LRCOL1: variants seen among roughly 807,000 people sequenced by gnomAD.
The protein encoded by LRCOL1 is leucine rich colipase like 1, also known as leucine-rich colipase-like protein 1.
Under a neutral mutation model 21.6 loss-of-function variants are expected in LRCOL1, and 21 were observed. The ratio of observed to expected loss-of-function variants is 0.97; its 90% confidence interval spans 0.69 to 1.40. LRCOL1 has a LOEUF of 1.40. LRCOL1 is among the 40% of genes most tolerant of loss of function. The probability of loss-of-function intolerance (pLI) is 0.00; values close to 1 mark genes in which losing one functional copy is unlikely to be tolerated. For missense variants in LRCOL1, 198 were observed against 202.3 expected, an observed-to-expected ratio of 0.98 and a Z score of 0.13; for synonymous variants, 98 against 90.1, an observed-to-expected ratio of 1.09 and a Z score of -0.49.
At chr12:132,608,622 A>C (rs1054824990) in intron 1 of LRCOL1, among the ~76,000 whole-genome samples, 1 of 152,228 alleles carries the variant, frequency 6.6e-6, no homozygotes, top group Non-Finnish European at 1.5e-5. Flanking sequence ...GCTGGAGTGC[A>C]GTGGCACAAT....
chr12:132,607,421 A>G (rs2041322628), intron 1 of LRCOL1, among the ~76,000 whole-genome samples: 1 of 152,256 alleles, frequency 6.6e-6, no homozygotes, highest in Admixed American at 6.5e-5. Context: ...ACCATGCACG[A>G]TAACAAGATA....
intron 1 of LRCOL1, among the ~76,000 whole-genome samples, chr12:132,608,471 C>T (rs2041339994): frequency 6.6e-6 from 1 of 152,260 alleles, no homozygotes; most frequent in South Asian, 2.1e-4. Context: ...TGACCCCAGA[C>T]AAATGAGTCA....
chr12:132,604,895 G>A (rs751788389), intron 2 of LRCOL1, 64 bp from the exon 3 acceptor site: 102 of 1,517,588 alleles, frequency 6.7e-5, no homozygotes, highest in Non-Finnish European at 8.7e-5. Flanking sequence ...TCAGCACTCA[G>A]GAAAGGCCTG....
chr12:132,605,037 A>G (rs1375949918), intron 2 of LRCOL1: 4 of 1,400,818 alleles, frequency 2.9e-6, no homozygotes, highest in African/African-American at 1.5e-5. Context: ...GGGAATGTCT[A>G]CTGTGAGCCA....
At chr12:132,609,085 G>T (rs531042175) in intron 1 of LRCOL1, among the ~76,000 whole-genome samples, 2 of 152,192 alleles carry the variant, frequency 1.3e-5, no homozygotes, top group Non-Finnish European at 2.9e-5. Context: ...TGATATGTAC[G>T]CACAATGGGA....
intron 1 of LRCOL1, among the ~76,000 whole-genome samples, chr12:132,608,168 A>C (rs1322236885): frequency 2.6e-5 from 4 of 152,224 alleles, no homozygotes; most frequent in Non-Finnish European, 5.9e-5. Context: ...ATCAGGACTC[A>C]GTCAGTGACC....
intron 5 of LRCOL1, chr12:132,603,988 C>A: frequency 7.5e-7 from 1 of 1,327,820 alleles, no homozygotes; most frequent in Non-Finnish European, 9.6e-7. Flanking sequence ...TCCCCCTCCC[C>A]GCGGCTCCGC....
At chr12:132,605,216 A>T (rs1463021731) in intron 2 of LRCOL1, 9 of 826,974 alleles carry the variant, frequency 1.1e-5, no homozygotes, top group Non-Finnish European at 1.3e-5. Flanking sequence ...GCTGAGAGCC[A>T]GGCCTCCCCC....
rs1032210438 is a variant in LRCOL1 at position 132,606,153 on chromosome 12, G to C, written c.99C>G (p.Ser33=). The part of the protein sequence containing the change: ...GYGPQKKLNL[S]HKGIGEPCRR... The stretch of plus-strand genomic sequence containing the variant: ...AGGGGTGCCCGGCACCCACCTTATG[G>C]GACAGGTTCAACTTCTTCTGTGGCC... Residue 33 remains serine (S), a synonymous_variant, in exon 2 of 6, where the codon TCC becomes TCG. Transcript: ENST00000376608. The surrounding 1 kb of genome is among the most constrained non-coding windows in gnomAD (Gnocchi z 4.6). 1 of 1,536,300 alleles carries C rather than the reference G, an allele frequency of 6.5e-7. No individual in the cohort carries two copies.
At chr12:132,605,597 C>T (rs1272992563) in intron 2 of LRCOL1, among the ~76,000 whole-genome samples, 4 of 151,950 alleles carry the variant, frequency 2.6e-5, no homozygotes, top group East Asian at 1.9e-4. Flanking sequence ...GGCGTGGTGG[C>T]GCGCGCCTGT....
chr12:132,603,372 C>T lies in LRCOL1; in HGVS notation c.*30G>A, dbSNP rs1219956193. The T allele has an allele frequency of 2.6e-6, 4 of 1,536,040 alleles. No homozygotes were observed. The highest frequency in any genetic ancestry group is 1.4e-5 in the African/African-American group (1 of 73,064). On this transcript the variant is annotated 3_prime_UTR_variant, in exon 6 of 6. Coordinates refer to ENST00000376608, the MANE Select transcript of LRCOL1 (RefSeq NM_001195520.2). The stretch of plus-strand genomic sequence containing the variant: ...TGCGTGAACATCCCAGGGCCCAGGC[C>T]GGTCCCTCGCGCCCAGGTTCGAGCT...
chr12:132,604,522 G>A lies in LRCOL1; in HGVS notation c.294C>T (p.Asn98=). ...GGGGCGTGCACAACTCCTGCGGGCTGTTGTTGCGGACGCAGCAGCTGCTCT... is the reference window on the plus strand; with the variant it reads ...GGGGCGTGCACAACTCCTGCGGGCTATTGTTGCGGACGCAGCAGCTGCTCT... ...ECQSSCCVRN[N]SPQELCTPQS... Residue 98 remains asparagine, a synonymous_variant, in exon 4 of 6, where the codon AAC becomes AAT. Transcript: ENST00000376608. The A allele has an allele frequency of 6.5e-7, 1 of 1,536,206 alleles. No homozygotes were observed. Among genetic ancestry groups the A allele is most frequent in the Non-Finnish European group, 8.7e-7 (1 of 1,146,916 alleles).
intron 5 of LRCOL1, 49 bp from the exon 6 acceptor site, chr12:132,603,453 A>C: frequency 6.5e-7 from 1 of 1,535,990 alleles, no homozygotes. Flanking sequence ...CGGGCCTCGA[A>C]GCGGCCGCGG....
Position 132,606,036 on chromosome 12 carries a change from G to A in LRCOL1, c.105+111C>T, listed in dbSNP as rs1370464571. On this transcript the variant is annotated intron_variant, in intron 2 of 5. Coordinates refer to ENST00000376608, the MANE Select transcript of LRCOL1 (RefSeq NM_001195520.2). The surrounding 1 kb of genome is among the most constrained non-coding windows in gnomAD (Gnocchi z 4.6). ...TGTGTCCCTTTGAGACCCTCCTGAC[G>A]GAAAGTGGCAGCCCTCGCGGGTGGG... 30 of 986,406 alleles carry A rather than the reference G, an allele frequency of 3.0e-5. No homozygotes were observed. Among genetic ancestry groups the A allele is most frequent in the South Asian group, 1.7e-4 (11 of 65,488 alleles). 61.1% of individuals were successfully genotyped at this position (986,406 alleles called of 1,614,324 possible).
At chr12:132,608,437 C>T (rs1299266406) in intron 1 of LRCOL1, among the ~76,000 whole-genome samples, 2 of 152,360 alleles carry the variant, frequency 1.3e-5, no homozygotes, top group Non-Finnish European at 2.9e-5. Context: ...TCTTAGATGC[C>T]CCTGGCACCT....
Position 132,606,183 on chromosome 12 carries a change from C to T in LRCOL1, c.69G>A (p.Gly23=). 4.6e-6 allele frequency: 7 copies of T among 1,536,610 alleles called. No individual in the cohort carries two copies. Among genetic ancestry groups the T allele is most frequent in the Non-Finnish European group, 6.1e-6 (7 of 1,146,940 alleles). Residue 23 remains glycine (G), a synonymous_variant, in exon 2 of 6, where the codon GGG becomes GGA. Transcript: ENST00000376608. The surrounding 1 kb of genome is among the most constrained non-coding windows in gnomAD (Gnocchi z 4.6). ...GGTTCAACTTCTTCTGTGGCCCATA[C>T]CCTGCCATGGACCCCAGCAGCAGCA... The part of the protein sequence containing the change: ...LLLLLLGSMA[G]YGPQKKLNLS...
Position 132,604,830 on chromosome 12 carries a change from C to T in LRCOL1, c.107G>A (p.Gly36Asp), listed in dbSNP as rs1201159276. ...PQKKLNLSHK[G>D]IGEPCRRHEE... ...GTGTCTCCTGCATGGCTCCCCGATG[C>T]CCTGAAACACCACTCACCAGCTCGC... The change falls in exon 3 of 6, where the codon GGC becomes GAC. Residue 36 changes from glycine (G) to aspartate (D), a missense_variant and splice_region_variant. Physicochemically the swap from Gly to Asp is moderately conservative, Grantham distance 94. Coordinates refer to ENST00000376608, the MANE Select transcript of LRCOL1 (RefSeq NM_001195520.2). 4.6e-6 allele frequency: 7 copies of T among 1,535,816 alleles called. No homozygotes were observed. In the South Asian group the frequency reaches 7.1e-5, roughly 16 times the overall value.
chr12:132,608,830 C>A (rs984336776), intron 1 of LRCOL1, among the ~76,000 whole-genome samples: 2 of 152,226 alleles, frequency 1.3e-5, no homozygotes, highest in African/African-American at 2.4e-5. Flanking sequence ...GTACTTGGAA[C>A]CAGGAAAAAT....
intron 5 of LRCOL1, chr12:132,604,037 G>A (rs2041265081): frequency 1.4e-6 from 2 of 1,385,584 alleles, no homozygotes; most frequent in Non-Finnish European, 1.9e-6. Flanking sequence ...CGTGCCCTGC[G>A]GGGCCTGGTG....
Sources: allele counts gnomAD v4.1 joint callset (sites outside exome capture counted in the v4.1 genomes callset), GRCh38; gene constraint gnomAD v4.1.1; non-coding constraint Gnocchi (gnomAD v3.1); transcripts MANE v1.5; gene names NCBI Gene and HGNC (gene_info 2026-07-23, HGNC 2026-07-21).